The following FAM167A variants were observed in gnomAD, a reference collection of about 807,000 sequenced individuals.
FAM167A encodes protein FAM167A.
In FAM167A, 23 loss-of-function variants were observed where a neutral mutation model predicts 14.9. The ratio of observed to expected loss-of-function variants is 1.55; its 90% CI spans 1.11 to 2.19. FAM167A has a LOEUF of 2.19. Among genes scored for constraint, FAM167A ranks in the 30% most tolerant of loss-of-function variants. The pLI, the probability that FAM167A is intolerant of heterozygous loss-of-function variation, is 0.00. For missense variants in FAM167A, 401 were observed against 281.5 expected (o/e 1.42, Z -3.04); for synonymous variants, 174 against 117.7 (o/e 1.48, Z -3.10).
chr8:11,422,361 T>TGTGTGTGTGTGGGG lies in FAM167A; in HGVS notation c.*2011_*2012insCCCCACACACACAC, dbSNP rs1804793145. 5 of 114,248 alleles carry TGTGTGTGTGTGGGG rather than the reference T, an allele frequency of 4.4e-5. No individual in the cohort carries two copies. The highest frequency in any genetic ancestry group is 3.1e-4 in the Admixed American group (4 of 12,942). 7.1% of individuals were successfully genotyped at this position (114,248 alleles called of 1,614,324 possible). A position where few individuals can be genotyped will look rare whatever the true frequency, so the allele number is the denominator to read the frequency against. ...TTTATGGCATGTTCTCTGTCGTGTG[T>TGTGTGTGTGTGGGG]GTGTGTGTGGGGGTGTGTGTGTGTG... On this transcript the variant is annotated 3_prime_UTR_variant, in exon 3 of 3. Transcript: ENST00000284486.
intron 1 of FAM167A, among the ~76,000 whole-genome samples, chr8:11,451,898 C>T (rs1473011093): frequency 1.3e-5 from 2 of 152,212 alleles, no homozygotes; most frequent in Non-Finnish European, 2.9e-5. Flanking sequence ...TACCTCCTGC[C>T]AATTCTGTGG....
rs949389536 is a variant in FAM167A at position 11,425,685 on chromosome 8, G to A, written c.382-1049C>T. Among the ~76,000 whole-genome samples the A allele has an allele frequency of 3.3e-5, 5 of 152,194 alleles. No individual in the cohort carries two copies. The East Asian group carries it at 9.6e-4, about 29-fold the overall frequency. On this transcript the variant is annotated intron_variant, in intron 2 of 2. Coordinates refer to ENST00000284486, the MANE Select transcript of FAM167A (RefSeq NM_053279.3). Reference sequence around the variant, plus strand: ...TTTGTTATACCCCCCCTTGCTGTTGGAGTTTAGGCACAGCAGATCGGCATT... The same window carrying A: ...TTTGTTATACCCCCCCTTGCTGTTGAAGTTTAGGCACAGCAGATCGGCATT...
chr8:11,475,873 G>A (rs1341580928), exon 1 of FAM167A, among the ~76,000 whole-genome samples: 2 of 152,120 alleles, frequency 1.3e-5, no homozygotes, highest in African/African-American at 2.4e-5. Context: ...CACCCCTGTG[G>A]ACGCAGACCT....
At chr8:11,473,969 G>C (rs921693284) in intron 1 of FAM167A, among the ~76,000 whole-genome samples, 5 of 152,086 alleles carry the variant, frequency 3.3e-5, no homozygotes, top group Non-Finnish European at 7.4e-5. Flanking sequence ...TGCCTCCTGG[G>C]TTCAAGCGAT....
upstream of FAM167A, among the ~76,000 whole-genome samples, chr8:11,469,315 T>C (rs769344101): frequency 6.6e-6 from 1 of 152,234 alleles, no homozygotes; most frequent in African/African-American, 2.4e-5. Flanking sequence ...AATCGTTTTG[T>C]AATGAGAAAC....
chr8:11,437,141 T>C (rs922197004), intron 2 of FAM167A, among the ~76,000 whole-genome samples: 3 of 152,218 alleles, frequency 2.0e-5, no homozygotes, highest in Non-Finnish European at 2.9e-5. Context: ...CACAGTTTCC[T>C]ATAGCATGGT....
At chr8:11,455,291 G>C (rs372616166) in intron 1 of FAM167A, among the ~76,000 whole-genome samples, 6 of 143,346 alleles carry the variant, frequency 4.2e-5, no homozygotes, top group South Asian at 2.3e-4. Flanking sequence ...TGTCTGGGGG[G>C]GGTGGTTACC....
intron 1 of FAM167A, among the ~76,000 whole-genome samples, chr8:11,465,016 G>C (rs780562680): frequency 2.6e-5 from 4 of 152,164 alleles, no homozygotes; most frequent in Non-Finnish European, 5.9e-5. Flanking sequence ...AGTGCGCAGG[G>C]AGTCTGGGGG....
At position 11,439,129 on chromosome 8, in the gene FAM167A, A is replaced by G. The variant is rs549106269; in HGVS notation, c.381+4902T>C. Among the ~76,000 whole-genome samples, 5 of 152,364 alleles carry G rather than the reference A, an allele frequency of 3.3e-5. No individual in the cohort carries two copies. The South Asian group carries it at 6.2e-4, about 19-fold the overall frequency. On this transcript the variant is annotated intron_variant, in intron 2 of 2. Coordinates refer to ENST00000284486, the MANE Select transcript of FAM167A (RefSeq NM_053279.3). ...TGTCGTGGCTTAGCCACATCCTTGCATATGACCTTGGCCAAGTCGCTTTAA... is the reference window on the plus strand; with the variant it reads ...TGTCGTGGCTTAGCCACATCCTTGCGTATGACCTTGGCCAAGTCGCTTTAA...
chr8:11,470,870 G>C (rs1807940417), upstream of FAM167A, among the ~76,000 whole-genome samples: 1 of 152,102 alleles, frequency 6.6e-6, no homozygotes, highest in African/African-American at 2.4e-5. Context: ...GACTGTCTTA[G>C]GCATGTTCAG....
At chr8:11,448,965 C>T (rs1019430917) in intron 1 of FAM167A, among the ~76,000 whole-genome samples, 1 of 152,236 alleles carries the variant, frequency 6.6e-6, no homozygotes, top group Non-Finnish European at 1.5e-5. Flanking sequence ...AGAGCTGTAC[C>T]CACCTGAATA....
At chr8:11,464,668 T>A (rs1807682557) in intron 1 of FAM167A, among the ~76,000 whole-genome samples, 1 of 152,154 alleles carries the variant, frequency 6.6e-6, no homozygotes, top group African/African-American at 2.4e-5. Context: ...AGTTACTCAT[T>A]TTCCGCCTTT....
At position 11,421,844 on chromosome 8, in the gene FAM167A, G is replaced by C. The variant is rs751723820; in HGVS notation, c.*2529C>G. 1.5e-5 allele frequency: 6 copies of C among 398,510 alleles called. No individual in the cohort carries two copies. Among genetic ancestry groups the C allele is most frequent in the African/African-American group, 1.0e-4 (5 of 48,610 alleles). The allele number at this position is 398,510 out of a possible 1,614,324, so 24.7% of individuals were successfully genotyped here. ...ATGTGGTGAGCCAGGAGGCTGGGAC[G>C]GAGGTTAGGCCAATGTTGCTGCTGA... On this transcript the variant is annotated 3_prime_UTR_variant, in exon 3 of 3. Coordinates refer to ENST00000284486, the MANE Select transcript of FAM167A (RefSeq NM_053279.3).
At chr8:11,459,481 G>A (rs1807451995) in intron 1 of FAM167A, among the ~76,000 whole-genome samples, 1 of 152,170 alleles carries the variant, frequency 6.6e-6, no homozygotes, top group Admixed American at 6.5e-5. Context: ...AAATTGTTCT[G>A]GGCAGAAGAG....
intron 2 of FAM167A, chr8:11,433,839 TG>T (rs1353348463): frequency 6.6e-6 from 1 of 152,240 alleles, no homozygotes; most frequent in African/African-American, 2.4e-5. Context: ...TCCGACGATT[TG>T]GGAATGAGAC....
intron 1 of FAM167A, among the ~76,000 whole-genome samples, chr8:11,450,985 G>A (rs147034748): frequency 1.3e-5 from 2 of 152,240 alleles, no homozygotes; most frequent in African/African-American, 2.4e-5. Flanking sequence ...AGTCTGATGT[G>A]ACAGACCTAG....
upstream of FAM167A, among the ~76,000 whole-genome samples, chr8:11,471,265 G>T (rs1271279937): frequency 6.6e-6 from 1 of 152,200 alleles, no homozygotes; most frequent in Non-Finnish European, 1.5e-5. Context: ...CTCAGCGGCC[G>T]AGGTGAGGAG....
At chr8:11,448,196 A>C (rs1289480555) in intron 1 of FAM167A, among the ~76,000 whole-genome samples, 1 of 70,176 alleles carries the variant, frequency 1.4e-5, no homozygotes, top group East Asian at 1.6e-3. Context: ...TCTGTCTTAA[A>C]AAAAAAAAAA....
chr8:11,445,939 T>C (rs1250359412), intron 1 of FAM167A, among the ~76,000 whole-genome samples: 2 of 141,818 alleles, frequency 1.4e-5, no homozygotes, highest in Non-Finnish European at 3.0e-5. Flanking sequence ...GCCTGGAGAG[T>C]AGGCCACCCT....
Sources: allele counts gnomAD v4.1 joint callset (sites outside exome capture counted in the v4.1 genomes callset), GRCh38; gene constraint gnomAD v4.1.1; transcripts MANE v1.5; gene names NCBI Gene and HGNC (gene_info 2026-07-23, HGNC 2026-07-21).